The following PDE11A variants were observed in gnomAD, a reference collection of about 807,000 sequenced individuals.
PDE11A encodes the protein dual 3',5'-cyclic-AMP and -GMP phosphodiesterase 11A.
Under a neutral mutation model 100.5 loss-of-function variants are expected in PDE11A, and 100 were observed. The ratio of observed to expected loss-of-function variants is 1.00; its 90% CI spans 0.85 to 1.18. PDE11A has a LOEUF of 1.18. PDE11A is among the 50% of genes most tolerant of loss of function. The pLI, the probability that PDE11A is intolerant of heterozygous loss-of-function variation, is 0.00. For missense variants in PDE11A, 1,141 were observed against 1,152.6 expected, an observed-to-expected ratio of 0.99 and a Z score of 0.15; for synonymous variants, 381 against 420.8, an observed-to-expected ratio of 0.91 and a Z score of 1.16.
At chr2:177,758,535 G>A (rs546820979) in intron 10 of PDE11A, among the ~76,000 whole-genome samples, 1 of 152,306 alleles carries the variant, frequency 6.6e-6, no homozygotes, top group Admixed American at 6.5e-5. Flanking sequence ...AGGAGTGCCT[G>A]ATGGCTCTAT....
At chr2:177,899,196 A>C (rs2084661102) in intron 3 of PDE11A, among the ~76,000 whole-genome samples, 1 of 152,180 alleles carries the variant, frequency 6.6e-6, no homozygotes, top group Admixed American at 6.5e-5. Context: ...TCACAAAGTC[A>C]GGAGTTTGAG....
At chr2:177,698,005 G>A (rs2081140327) in intron 14 of PDE11A, among the ~76,000 whole-genome samples, 1 of 152,214 alleles carries the variant, frequency 6.6e-6, no homozygotes, top group Non-Finnish European at 1.5e-5. Flanking sequence ...GCATCTAGCA[G>A]TGGAGGCCAG....
At chr2:177,800,006 T>C (rs2082765091) in intron 9 of PDE11A, among the ~76,000 whole-genome samples, 1 of 152,082 alleles carries the variant, frequency 6.6e-6, no homozygotes, top group Non-Finnish European at 1.5e-5. Context: ...ACTTCATCGT[T>C]ATTAACAATC....
chr2:178,049,563 C>G (rs985440166), intron 1 of PDE11A, among the ~76,000 whole-genome samples: 1 of 152,212 alleles, frequency 6.6e-6, no homozygotes, highest in African/African-American at 2.4e-5. Flanking sequence ...ATCGCCTCAC[C>G]TGGGAAGTGC....
chr2:177,840,023 T>C (rs1050722149), intron 6 of PDE11A, among the ~76,000 whole-genome samples: 7 of 152,194 alleles, frequency 4.6e-5, no homozygotes, highest in Non-Finnish European at 7.3e-5. Context: ...ATATAAAATA[T>C]ACCCAATCAT....
intron 16 of PDE11A, among the ~76,000 whole-genome samples, chr2:177,677,222 T>C (rs1485876994): frequency 6.6e-6 from 1 of 152,244 alleles, no homozygotes; most frequent in Non-Finnish European, 1.5e-5. Flanking sequence ...TTCTAATAGC[T>C]ACCACTTATT....
At chr2:177,708,379 G>A (rs1011803268) in intron 13 of PDE11A, among the ~76,000 whole-genome samples, 9 of 152,146 alleles carry the variant, frequency 5.9e-5, no homozygotes, top group African/African-American at 2.2e-4. Context: ...AACTAATGCA[G>A]GAACAGAAAA....
intron 10 of PDE11A, among the ~76,000 whole-genome samples, chr2:177,731,469 C>T (rs529996256): frequency 7.0e-4 from 107 of 152,222 alleles, no homozygotes; most frequent in African/African-American, 2.3e-3. Flanking sequence ...TGGAGCCTAG[C>T]GGGGAAGCAG....
chr2:177,633,027 T>C (rs1384263287), intron 19 of PDE11A, among the ~76,000 whole-genome samples: 1 of 152,212 alleles, frequency 6.6e-6, no homozygotes, highest in East Asian at 1.9e-4. Flanking sequence ...ATTTTCCTTA[T>C]AAAGAAATAA....
intron 6 of PDE11A, among the ~76,000 whole-genome samples, chr2:177,827,710 G>A (rs1414987048): frequency 6.6e-6 from 1 of 152,188 alleles, no homozygotes; most frequent in Non-Finnish European, 1.5e-5. Flanking sequence ...ATATACTAAA[G>A]TGCAACTAAC....
intron 1 of PDE11A, among the ~76,000 whole-genome samples, chr2:178,053,794 A>C (rs377524059): frequency 5.3e-5 from 8 of 152,272 alleles, no homozygotes; most frequent in South Asian, 2.1e-4. Context: ...ACCTAGGAAT[A>C]CAACTTACAA....
chr2:178,039,316 G>C (rs926828809), intron 1 of PDE11A, among the ~76,000 whole-genome samples: 7 of 152,174 alleles, frequency 4.6e-5, no homozygotes, highest in African/African-American at 1.7e-4. Flanking sequence ...CTTATAAGTG[G>C]GAGCTAAATG....
intron 12 of PDE11A, among the ~76,000 whole-genome samples, chr2:177,724,812 T>C (rs1185064491): frequency 2.6e-5 from 4 of 151,938 alleles, no homozygotes; most frequent in Non-Finnish European, 5.9e-5. Context: ...TAAGGTTTTT[T>C]CCCCCTTTTC....
intron 4 of PDE11A, among the ~76,000 whole-genome samples, chr2:177,896,545 C>T (rs1468382879): frequency 1.3e-5 from 2 of 152,144 alleles, no homozygotes; most frequent in African/African-American, 4.8e-5. Context: ...CAGCCAAAGC[C>T]CCAACAGTTG....
rs34374310 is a variant in PDE11A, at chr2:177,819,868, T to TTCTCTCTCTCTCTCTCTC, written c.1576+334_1576+351dup. Among the ~76,000 whole-genome samples the TTCTCTCTCTCTCTCTCTC allele has an allele frequency of 1.7e-4, 23 of 139,168 alleles. 1 individual carries two copies. The highest frequency in any genetic ancestry group is 5.0e-4 in the African/African-American group (18 of 35,782). The allele number at this position is 139,168 out of a possible 152,430, so 91.3% of individuals were successfully genotyped here. On this transcript the variant is annotated intron_variant, in intron 7 of 19. Coordinates refer to ENST00000286063, the MANE Select transcript of PDE11A (RefSeq NM_016953.4). ...CATTTCTCTTTCTCTCTTTCTCTCT[T>TTCTCTCTCTCTCTCTCTC]TCTCTCTCTCTCTCTCTCTCTCTCT...
chr2:178,015,606 A>T (rs369120937), intron 1 of PDE11A, among the ~76,000 whole-genome samples: 2 of 152,178 alleles, frequency 1.3e-5, no homozygotes, highest in African/African-American at 4.8e-5. Flanking sequence ...TAATTATATC[A>T]TTATAAACTT....
At chr2:177,980,307 C>T (rs2085865492) in intron 2 of PDE11A, among the ~76,000 whole-genome samples, 1 of 150,946 alleles carries the variant, frequency 6.6e-6, no homozygotes, top group Admixed American at 6.6e-5. Flanking sequence ...GTCCAATCAA[C>T]TGTCTGTATT....
At chr2:177,815,590 A>T (rs1293230630) in intron 9 of PDE11A, among the ~76,000 whole-genome samples, 3 of 152,130 alleles carry the variant, frequency 2.0e-5, no homozygotes, top group Admixed American at 6.5e-5. Context: ...TCCATTCAAA[A>T]ATTATTCAAT....
chr2:177,835,714 C>T (rs1296023775), intron 6 of PDE11A, among the ~76,000 whole-genome samples: 4 of 152,112 alleles, frequency 2.6e-5, no homozygotes, highest in Non-Finnish European at 5.9e-5. Flanking sequence ...ATGGCACTGG[C>T]AGCCCACCAC....
Sources: allele counts gnomAD v4.1 joint callset (sites outside exome capture counted in the v4.1 genomes callset), GRCh38; gene constraint gnomAD v4.1.1; transcripts MANE v1.5; gene names NCBI Gene and HGNC (gene_info 2026-07-23, HGNC 2026-07-21).